STAB2: variants seen among roughly 807,000 people sequenced by gnomAD.
STAB2 encodes stabilin-2.
STAB2 carries 288 observed loss-of-function variants against 338.1 expected under a neutral mutation model. The ratio of observed to expected loss-of-function variants is 0.85; its 90% confidence interval spans 0.77 to 0.94. The LOEUF is 0.94. STAB2 is among the 40% of genes least tolerant of loss of function. STAB2 has a pLI of 0.00. For missense variants in STAB2, 3,141 were observed against 3,210.1 expected (o/e 0.98, Z 0.52); for synonymous variants, 1,202 against 1,193.3 (o/e 1.01, Z -0.15).
chr12:103,648,751 C>G lies in STAB2; in HGVS notation c.1102C>G (p.Arg368Gly). 1 of 1,614,024 alleles carries G rather than the reference C, an allele frequency of 6.2e-7. No homozygotes were observed. The highest frequency in any genetic ancestry group is 1.1e-5 in the South Asian group (1 of 91,042). The change falls in exon 10 of 69, where the codon CGA becomes GGA. Residue 368 changes from arginine (R) to glycine (G), a missense_variant. Coordinates refer to ENST00000388887, the MANE Select transcript of STAB2 (RefSeq NM_017564.10). Reference sequence around the variant, plus strand: ...AACGTGTTATGGAAACATTATGGAGCGACTCAGAGAATTAAATACTGAACC... The same window carrying G: ...AACGTGTTATGGAAACATTATGGAGGGACTCAGAGAATTAAATACTGAACC... Reference protein sequence around the residue: ...GLTCYGNIMERLRELNTEPRG... With the variant: ...GLTCYGNIMEGLRELNTEPRG...
intron 56 of STAB2, 43 bp downstream of exon 56, chr12:103,742,597 T>C: frequency 6.2e-7 from 1 of 1,612,032 alleles, no homozygotes; most frequent in Non-Finnish European, 8.5e-7. Context: ...GTTTTTTGAC[T>C]GTGTGCTCCC....
At chr12:103,690,814 G>A (rs986669076) in intron 30 of STAB2, among the ~76,000 whole-genome samples, 2 of 152,132 alleles carry the variant, frequency 1.3e-5, no homozygotes, top group African/African-American at 4.8e-5. Context: ...ACCCAGAAAG[G>A]GTAAAGGATG....
chr12:103,612,561 A>G (rs1419115023), intron 3 of STAB2, among the ~76,000 whole-genome samples: 1 of 152,116 alleles, frequency 6.6e-6, no homozygotes, highest in Non-Finnish European at 1.5e-5. Context: ...ACTTCTCTGC[A>G]TTGGTTATTC....
In STAB2 at chr12:103,654,640, T is replaced by G; in HGVS notation, c.1493T>G (p.Leu498Arg). The G allele has an allele frequency of 6.2e-7, 1 of 1,614,230 alleles. No individual in the cohort carries two copies. The highest frequency in any genetic ancestry group is 8.5e-7 in the Non-Finnish European group (1 of 1,180,018). ...QGDIIASNGL[L>R]HILDRAMDKL... ...GACATCATTGCTTCCAATGGGCTTC[T>G]GCACATCCTTGACAGAGCCATGGAC... The change falls in exon 13 of 69, where the codon CTG becomes CGG. Residue 498 changes from leucine (L) to arginine (R), a missense_variant. By Grantham distance (102) the Leu-to-Arg change is moderately radical. Transcript: ENST00000388887.
chr12:103,587,424 A>T lies in STAB2; in HGVS notation c.-53A>T. The T allele has an allele frequency of 1.4e-6, 2 of 1,437,008 alleles. No individual in the cohort carries two copies. The highest frequency in any genetic ancestry group is 1.9e-6 in the Non-Finnish European group (2 of 1,029,664). 89.0% of individuals were successfully genotyped at this position (1,437,008 alleles called of 1,614,324 possible). A position where few individuals can be genotyped will look rare whatever the true frequency, so the allele number is the denominator to read the frequency against. On this transcript the variant is annotated 5_prime_UTR_variant, in exon 1 of 69. It removes the in-frame stop codon of an upstream open reading frame in the 5' UTR. Coordinates refer to ENST00000388887, the MANE Select transcript of STAB2 (RefSeq NM_017564.10). The stretch of plus-strand genomic sequence containing the variant: ...GGAGTTTATCAAACTAAGTTAAAAT[A>T]GCTAAGTCAGCCTGACAGGTGCTTG...
intron 36 of STAB2, among the ~76,000 whole-genome samples, chr12:103,705,210 G>A (rs1029859263): frequency 1.3e-5 from 2 of 152,104 alleles, no homozygotes. Context: ...CTCATTTGAG[G>A]TTTAATTTAA....
intron 47 of STAB2, among the ~76,000 whole-genome samples, chr12:103,728,362 G>A (rs895404603): frequency 1.3e-5 from 2 of 152,102 alleles, no homozygotes; most frequent in South Asian, 2.1e-4. Context: ...CACCCGCCTC[G>A]GCCTCCCAGA....
chr12:103,608,109 G>A (rs149680153), intron 3 of STAB2, among the ~76,000 whole-genome samples: 10 of 152,254 alleles, frequency 6.6e-5, no homozygotes, highest in African/African-American at 2.4e-4. Context: ...TCTCGTTGTG[G>A]TTTTGATTTG....
At chr12:103,619,240 T>G (rs1957259664) in intron 3 of STAB2, among the ~76,000 whole-genome samples, 1 of 152,124 alleles carries the variant, frequency 6.6e-6, no homozygotes, top group Non-Finnish European at 1.5e-5. Flanking sequence ...CTTGCCTCAT[T>G]CACACAGACA....
At chr12:103,643,950 G>A (rs1190557029) in intron 9 of STAB2, among the ~76,000 whole-genome samples, 2 of 88,912 alleles carry the variant, frequency 2.2e-5, no homozygotes, top group Admixed American at 1.0e-4. Flanking sequence ...CCGTCCGGGA[G>A]GTGAGGGGCG....
At position 103,648,804 on chromosome 12, in the gene STAB2, C is replaced by T; in HGVS notation, c.1155C>T (p.Thr385=). The T allele has an allele frequency of 3.1e-6, 5 of 1,613,990 alleles. No individual in the cohort carries two copies. The highest frequency in any genetic ancestry group is 4.2e-6 in the Non-Finnish European group (5 of 1,179,920). ...GAGGAAAATGGCAAGGAAGGCTGAC[C>T]TCTTTCATCTCACTCCTAGGTACGC... is the stretch of plus-strand genomic sequence containing the variant. ...EPRGKWQGRL[T]SFISLLDKAY... Residue 385 remains threonine (T), a synonymous_variant, in exon 10 of 69, where the codon ACC becomes ACT. Transcript: ENST00000388887.
rs1208202662 is a variant in STAB2 at position 103,750,649 on chromosome 12, C to T, written c.6509C>T (p.Pro2170Leu). Residue 2170 changes from proline to leucine, a missense_variant, in exon 60 of 69, where the codon CCC becomes CTC. Coordinates refer to ENST00000388887, the MANE Select transcript of STAB2 (RefSeq NM_017564.10). The stretch of plus-strand genomic sequence containing the variant: ...CTGAACTGTGAGCCGGAGCAGCTGC[C>T]CATTGACCGCTGCTTACAGGACAAT... ...DGLNCEPEQL[P>L]IDRCLQDNGQ... 2 of 1,614,242 alleles carry T rather than the reference C, an allele frequency of 1.2e-6. No homozygotes were observed. Among genetic ancestry groups the T allele is most frequent in the Non-Finnish European group, 1.7e-6 (2 of 1,180,042 alleles).
intron 49 of STAB2, 30 bp from the exon 50 acceptor site, chr12:103,731,546 G>A (rs1881636767): frequency 6.8e-6 from 11 of 1,610,926 alleles, no homozygotes; most frequent in Non-Finnish European, 8.5e-6. Context: ...ATAAGGAAAA[G>A]TTTCATGCCC....
At chr12:103,724,834 G>A in intron 44 of STAB2, 141 bp from the exon 45 acceptor site, 2 of 1,457,952 alleles carry the variant, frequency 1.4e-6, no homozygotes, top group Non-Finnish European at 1.8e-6. Flanking sequence ...GCAAGCTCAG[G>A]AAAAGGATAA....
chr12:103,721,444 C>A (rs533958398), intron 44 of STAB2, among the ~76,000 whole-genome samples: 21 of 152,324 alleles, frequency 1.4e-4, no homozygotes, highest in African/African-American at 4.8e-4. Flanking sequence ...GGGGCCAGAT[C>A]ACCTTACCCC....
At chr12:103,637,922 C>G in intron 7 of STAB2, 94 bp from the exon 8 acceptor site, 1 of 1,291,156 alleles carries the variant, frequency 7.7e-7, no homozygotes. Context: ...CTGTGAGTTG[C>G]CTTTGAGGTT....
At chr12:103,648,937 T>A in intron 10 of STAB2, 114 bp downstream of exon 10, 1 of 1,433,316 alleles carries the variant, frequency 7.0e-7, no homozygotes, top group Non-Finnish European at 9.4e-7. Context: ...AGAATCAGCC[T>A]TTTTGGAGGG....
At chr12:103,607,598 C>T (rs1436241679) in intron 3 of STAB2, among the ~76,000 whole-genome samples, 3 of 150,714 alleles carry the variant, frequency 2.0e-5, no homozygotes, top group Non-Finnish European at 4.4e-5. Flanking sequence ...CAAGTGTTCT[C>T]ATTGTTTAAT....
intron 5 of STAB2, among the ~76,000 whole-genome samples, chr12:103,624,631 G>A (rs1957352511): frequency 6.6e-6 from 1 of 152,160 alleles, no homozygotes; most frequent in African/African-American, 2.4e-5. Flanking sequence ...AAGACTGTTA[G>A]CAAAAGCAAA....
Sources: gnomAD v4.1 joint callset for allele counts (sites outside exome capture counted in the v4.1 genomes callset) on GRCh38, gnomAD v4.1.1 for gene constraint, MANE v1.5 for transcripts, NCBI Gene and HGNC (gene_info 2026-07-23, HGNC 2026-07-21) for gene names.